The following UBR1 variants were observed in gnomAD, a reference collection of about 807,000 sequenced individuals.
UBR1 encodes ubiquitin protein ligase E3 component n-recognin 1, also known as E3 ubiquitin-protein ligase UBR1.
In UBR1, 102 loss-of-function variants were observed where a neutral mutation model predicts 242.1. The ratio of observed to expected loss-of-function variants is 0.42; its 90% CI spans 0.36 to 0.50. UBR1 has a LOEUF of 0.50. UBR1 is among the 20% of genes least tolerant of loss of function. The probability of loss-of-function intolerance (pLI) is 0.01; values close to 1 mark genes in which losing one functional copy is unlikely to be tolerated. For missense variants in UBR1, 1,772 were observed against 2,101.8 expected, an observed-to-expected ratio of 0.84 and a Z score of 3.07; for synonymous variants, 675 against 684.8, an observed-to-expected ratio of 0.99 and a Z score of 0.22.
intron 33 of UBR1, 44 bp downstream of exon 33, chr15:42,998,124 G>T: frequency 6.7e-7 from 1 of 1,500,802 alleles, no homozygotes; most frequent in South Asian, 1.2e-5. Flanking sequence ...TAAAGATTCT[G>T]ACACCATCTT....
chr15:43,037,646 A>G (rs1460563733), intron 17 of UBR1, 127 bp downstream of exon 17: 3 of 771,916 alleles, frequency 3.9e-6, no homozygotes, highest in Non-Finnish European at 6.7e-6. Flanking sequence ...TTTCATTTCT[A>G]GGAGTTTATA....
chr15:43,083,447 CA>C (rs1308038976), intron 2 of UBR1, among the ~76,000 whole-genome samples: 2 of 152,136 alleles, frequency 1.3e-5, no homozygotes, highest in African/African-American at 2.4e-5. Context: ...GTGGCATAAT[CA>C]TAGCTCACTG....
intron 29 of UBR1, among the ~76,000 whole-genome samples, chr15:43,014,481 G>A (rs888865019): frequency 1.8e-4 from 27 of 151,514 alleles, no homozygotes; most frequent in African/African-American, 6.3e-4. Context: ...AGTGAGGAGC[G>A]TCTCTGCCGG....
At chr15:43,105,391 T>G (rs1029995015) in intron 1 of UBR1, among the ~76,000 whole-genome samples, 3 of 152,222 alleles carry the variant, frequency 2.0e-5, no homozygotes, top group African/African-American at 2.4e-5. Flanking sequence ...GGGAGTCCTT[T>G]CTTCACCTTT....
rs2033497173 is a variant in UBR1, at chr15:43,047,227, A to T, written c.1602T>A (p.Ala534=). The change falls in exon 14 of 47, where the codon GCT becomes GCA. Residue 534 remains alanine, a synonymous_variant. Transcript: ENST00000290650. ...QHIEVDPDWE[A]AIAIQMQLKN... is the part of the protein sequence containing the mutation. ...TCAATTGCATCTGTATAGCAATGGCAGCCTCCCAATCAGGATCCACTTCAA... is the reference window on the plus strand; with the variant it reads ...TCAATTGCATCTGTATAGCAATGGCTGCCTCCCAATCAGGATCCACTTCAA... 1.2e-6 allele frequency: 2 copies of T among 1,614,074 alleles called. No individual in the cohort carries two copies. The highest frequency in any genetic ancestry group is 1.3e-5 in the African/African-American group (1 of 74,932).
chr15:43,051,442 GGA>G (rs1476270551), intron 12 of UBR1, among the ~76,000 whole-genome samples: 1 of 152,126 alleles, frequency 6.6e-6, no homozygotes, highest in African/African-American at 2.4e-5. Flanking sequence ...TTGGGAGGAG[GGA>G]GAGGATCAGG....
At chr15:43,037,983 G>T in intron 16 of UBR1, 100 bp from the exon 17 acceptor site, 1 of 1,257,510 alleles carries the variant, frequency 8.0e-7, no homozygotes, top group Non-Finnish European at 1.1e-6. Flanking sequence ...CGTGAAAAAT[G>T]GAAGAGCTTG....
Position 43,028,616 on chromosome 15 carries a change from G to A in UBR1, c.2380-788C>T, listed in dbSNP as rs191981198. On this transcript the variant is annotated intron_variant, in intron 21 of 46. Coordinates refer to ENST00000290650, the MANE Select transcript of UBR1 (RefSeq NM_174916.3). ...AAAAATTAGCCAGGCATGGTGGTGC[G>A]CGCCTGTAGTCCTAGCTACTCAGGA... Among the ~76,000 whole-genome samples the A allele has an allele frequency of 9.0e-3, 1,358 of 151,046 alleles. 17 individuals are homozygous for A. Among genetic ancestry groups the A allele is most frequent in the African/African-American group, 0.031 (1,287 of 41,134 alleles).
At chr15:42,959,687 ACTTTT>A (rs1444672752) in intron 43 of UBR1, among the ~76,000 whole-genome samples, 1 of 152,210 alleles carries the variant, frequency 6.6e-6, no homozygotes, top group African/African-American at 2.4e-5. Flanking sequence ...CATATCTTAA[ACTTTT>A]CTTTTTTCTC....
intron 35 of UBR1, among the ~76,000 whole-genome samples, chr15:42,986,382 A>T (rs1161411154): frequency 6.6e-6 from 1 of 152,228 alleles, no homozygotes; most frequent in East Asian, 1.9e-4. Context: ...ACCACATATG[A>T]AAAGATTCAG....
At position 43,104,102 on chromosome 15, in the gene UBR1, T is replaced by C. The variant is rs558851131; in HGVS notation, c.81+1840A>G. On this transcript the variant is annotated intron_variant, in intron 1 of 46. Transcript: ENST00000290650. ...ATTACCTGTGTCACCAGACTGTGAG[T>C]TCCTTGAGGCTATATTACACAATCT... is the stretch of plus-strand genomic sequence containing the variant. 1.2e-4 allele frequency among the ~76,000 whole-genome samples: 19 copies of C among 152,202 alleles called. No homozygotes were observed. The East Asian group carries it at 3.5e-3, about 28-fold the overall frequency.
In UBR1 at chr15:42,991,869, C is replaced by T. The variant is rs573535278; in HGVS notation, c.3758-1749G>A. Among the ~76,000 whole-genome samples, 70 of 152,148 alleles carry T rather than the reference C, an allele frequency of 4.6e-4. 1 individual carries two copies. Among genetic ancestry groups the T allele is most frequent in the African/African-American group, 1.3e-3 (56 of 41,530 alleles). ...GATCCTCTCCTCAGCCTCCCAAGTACCTAGGACTATAGGCACACACCACCA... is the reference window on the plus strand; with the variant it reads ...GATCCTCTCCTCAGCCTCCCAAGTATCTAGGACTATAGGCACACACCACCA... On this transcript the variant is annotated intron_variant, in intron 33 of 46. Coordinates refer to ENST00000290650, the MANE Select transcript of UBR1 (RefSeq NM_174916.3).
intron 33 of UBR1, among the ~76,000 whole-genome samples, chr15:42,994,609 T>C (rs753644635): frequency 2.0e-5 from 3 of 152,150 alleles, no homozygotes; most frequent in Non-Finnish European, 1.5e-5. Context: ...TGAAAATAAA[T>C]AGAAACTGAA....
intron 15 of UBR1, among the ~76,000 whole-genome samples, chr15:43,039,161 A>G (rs1261515630): frequency 1.3e-5 from 2 of 152,110 alleles, no homozygotes; most frequent in African/African-American, 4.8e-5. Flanking sequence ...CATGACATCA[A>G]TTATGCCATA....
intron 21 of UBR1, among the ~76,000 whole-genome samples, chr15:43,028,366 TTAAGA>T (rs1567130444): frequency 6.6e-6 from 1 of 152,156 alleles, no homozygotes; most frequent in Non-Finnish European, 1.5e-5. Context: ...TCATTTAAAA[TTAAGA>T]TAAGGACCTA....
chr15:42,959,232 T>G (rs1596075272), intron 43 of UBR1, among the ~76,000 whole-genome samples: 1 of 152,236 alleles, frequency 6.6e-6, no homozygotes, highest in South Asian at 2.1e-4. Context: ...CTTTTTGGTT[T>G]GTTTTTTTAG....
chr15:43,079,339 C>CAAATTAA (rs2033946663), intron 3 of UBR1, among the ~76,000 whole-genome samples: 2 of 152,068 alleles, frequency 1.3e-5, no homozygotes, highest in Admixed American at 1.3e-4. Context: ...AATGTAAAAA[C>CAAATTAA]AAATTAAAAA....
At chr15:43,075,119 T>C in intron 3 of UBR1, 30 bp from the exon 4 acceptor site, 1 of 1,477,554 alleles carries the variant, frequency 6.8e-7, no homozygotes, top group South Asian at 1.1e-5. Context: ...TTTGTCTTGA[T>C]TTCAAACATT....
chr15:43,000,977 G>C (rs8036674), intron 32 of UBR1, among the ~76,000 whole-genome samples: 36,747 of 151,730 alleles, frequency 0.24, 5,314 homozygotes, highest in African/African-American at 0.4. Flanking sequence ...GGGATTACAC[G>C]CATGTGCCAC....
Sources: gnomAD v4.1 joint callset for allele counts (sites outside exome capture counted in the v4.1 genomes callset) on GRCh38, gnomAD v4.1.1 for gene constraint, MANE v1.5 for transcripts, NCBI Gene and HGNC (gene_info 2026-07-23, HGNC 2026-07-21) for gene names.